Variants in RGS7 observed in about 807,000 individuals in gnomAD.
RGS7 encodes regulator of G protein signaling 7, also known as regulator of G-protein signaling 7.
In RGS7, 27 loss-of-function variants were observed where a neutral mutation model predicts 81.1. That is an observed-to-expected ratio of 0.33 (90% CI 0.25 to 0.46). RGS7 has a LOEUF of 0.46. Ranked by LOEUF, RGS7 falls within the 20% of genes least tolerant of loss-of-function variation. RGS7 has a pLI of 1.00. For synonymous variants in RGS7, 208 were observed against 207.7 expected (o/e 1.00, Z -0.01); for missense variants, 396 against 607.4 (o/e 0.65, Z 3.66).
chr1:241,125,403 A>G (rs1399990331), intron 2 of RGS7, among the ~76,000 whole-genome samples: 4 of 149,852 alleles, frequency 2.7e-5, no homozygotes, highest in African/African-American at 1.0e-4. Flanking sequence ...AATCATCTAG[A>G]TACCCGACAT....
rs10691671 is a variant in RGS7, at chr1:241,000,814, A to ATTT, written c.176-17688_176-17686dup. On this transcript the variant is annotated intron_variant, in intron 3 of 18. Coordinates refer to ENST00000440928, the MANE Select transcript of RGS7 (RefSeq NM_001364886.1). ...AGGTGCGTGCCACCACACCCAGCTAATTTTTTTTTTTTTTTTTTTTTTAGT... is the reference window on the plus strand; with the variant it reads ...AGGTGCGTGCCACCACACCCAGCTAATTTTTTTTTTTTTTTTTTTTTTTTTAGT... Among the ~76,000 whole-genome samples, 169 of 130,378 alleles carry ATTT rather than the reference A, an allele frequency of 1.3e-3. 1 individual carries two copies. The highest frequency in any genetic ancestry group is 4.8e-3 in the African/African-American group (159 of 33,338). 85.5% of individuals were successfully genotyped at this position (130,378 alleles called of 152,430 possible).
intron 2 of RGS7, among the ~76,000 whole-genome samples, chr1:241,139,295 T>TTTCCTTCCTTCCTTCC (rs140713971): frequency 3.6e-4 from 54 of 150,284 alleles, no homozygotes; most frequent in African/African-American, 1.3e-3. Flanking sequence ...TCCTTCCTTC[T>TTTCCTTCCTTCCTTCC]TTCCTTCCTT....
chr1:241,341,868 C>CTT, intron 2 of RGS7, among the ~76,000 whole-genome samples: 4 of 136,818 alleles, frequency 2.9e-5, no homozygotes, highest in Non-Finnish European at 4.6e-5. Flanking sequence ...CACTCTTCAA[C>CTT]TCTTTTTTTT....
At chr1:241,236,161 A>C in intron 2 of RGS7, among the ~76,000 whole-genome samples, 2 of 134,246 alleles carry the variant, frequency 1.5e-5, no homozygotes, top group African/African-American at 5.3e-5. Context: ...TGAGCAAATG[A>C]CGACCTCCGC....
chr1:241,073,256 T>C (rs910452949), intron 3 of RGS7, among the ~76,000 whole-genome samples: 4 of 152,230 alleles, frequency 2.6e-5, no homozygotes, highest in Non-Finnish European at 4.4e-5. Flanking sequence ...TTTCGAACAT[T>C]TCTTTATTGC....
chr1:241,270,399 C>G (rs2077814789), intron 2 of RGS7, among the ~76,000 whole-genome samples: 1 of 152,210 alleles, frequency 6.6e-6, no homozygotes, highest in Admixed American at 6.5e-5. Context: ...CAGAAATACT[C>G]TCTTTTAATG....
intron 2 of RGS7, among the ~76,000 whole-genome samples, chr1:241,165,192 A>G (rs1051884719): frequency 2.0e-5 from 3 of 152,154 alleles, no homozygotes; most frequent in Non-Finnish European, 2.9e-5. Flanking sequence ...AGTAGACTAC[A>G]TAAGATAAGT....
chr1:241,295,960 T>C (rs931707032), intron 2 of RGS7, among the ~76,000 whole-genome samples: 2 of 152,160 alleles, frequency 1.3e-5, no homozygotes, highest in African/African-American at 2.4e-5. Flanking sequence ...GAATCAGAGA[T>C]CAATATTAGT....
chr1:240,836,150 G>T (rs1273167811), intron 9 of RGS7, among the ~76,000 whole-genome samples: 1 of 150,798 alleles, frequency 6.6e-6, no homozygotes, highest in African/African-American at 2.4e-5. Context: ...GGGGTTGGGG[G>T]TGGGGGGTTG....
At chr1:241,006,562 G>T (rs1238089417) in intron 3 of RGS7, among the ~76,000 whole-genome samples, 3 of 152,168 alleles carry the variant, frequency 2.0e-5, no homozygotes, top group Non-Finnish European at 2.9e-5. Context: ...AGGGAACAAT[G>T]AAAGATTAAA....
chr1:240,847,345 C>T (rs12067800), intron 9 of RGS7, among the ~76,000 whole-genome samples: 6,126 of 150,498 alleles, frequency 0.041, 405 homozygotes, highest in African/African-American at 0.14. Flanking sequence ...TTTCCCATTT[C>T]AAATGAGAAG....
At chr1:240,848,591 T>C (rs1301109493) in intron 9 of RGS7, among the ~76,000 whole-genome samples, 1 of 150,888 alleles carries the variant, frequency 6.6e-6, no homozygotes, top group Non-Finnish European at 1.5e-5. Flanking sequence ...AGTTCCTTTA[T>C]AAAAGATACA....
intron 2 of RGS7, among the ~76,000 whole-genome samples, chr1:241,101,688 G>T (rs1558720828): frequency 6.6e-6 from 1 of 152,062 alleles, no homozygotes; most frequent in Non-Finnish European, 1.5e-5. Flanking sequence ...GTTACTATTT[G>T]TTCATGACTG....
chr1:241,203,381 C>T (rs1460809717), intron 2 of RGS7, among the ~76,000 whole-genome samples: 1 of 152,030 alleles, frequency 6.6e-6, no homozygotes, highest in African/African-American at 2.4e-5. Context: ...TACAGGTGCC[C>T]ACCACCATGC....
intron 6 of RGS7, among the ~76,000 whole-genome samples, chr1:240,877,425 C>T (rs1003248123): frequency 6.6e-6 from 1 of 151,450 alleles, no homozygotes; most frequent in Admixed American, 6.6e-5. Flanking sequence ...TATACATCTG[C>T]TAATACACAT....
intron 9 of RGS7, among the ~76,000 whole-genome samples, chr1:240,867,909 G>A (rs973869220): frequency 6.6e-6 from 1 of 151,844 alleles, no homozygotes; most frequent in Non-Finnish European, 1.5e-5. Context: ...GGCTGAGGTG[G>A]GAGGACGGCT....
chr1:241,172,161 T>C (rs1405566825), intron 2 of RGS7, among the ~76,000 whole-genome samples: 1 of 152,220 alleles, frequency 6.6e-6, no homozygotes, highest in African/African-American at 2.4e-5. Context: ...TATGCAGTCA[T>C]TCTGTGTTGT....
At chr1:240,850,564 G>A (rs989138740) in intron 9 of RGS7, among the ~76,000 whole-genome samples, 6 of 152,166 alleles carry the variant, frequency 3.9e-5, no homozygotes, top group African/African-American at 1.4e-4. Context: ...ACTTCTAAGT[G>A]TTCAAGTGAA....
At chr1:241,202,016 ACACAC>A (rs1558183905) in intron 2 of RGS7, among the ~76,000 whole-genome samples, 3 of 85,408 alleles carry the variant, frequency 3.5e-5, no homozygotes, top group African/African-American at 9.7e-5. Flanking sequence ...ACACAGACAC[ACACAC>A]ACACACACAC....
Sources: gnomAD v4.1 joint callset for allele counts (sites outside exome capture counted in the v4.1 genomes callset) on GRCh38, gnomAD v4.1.1 for gene constraint, MANE v1.5 for transcripts, NCBI Gene and HGNC (gene_info 2026-07-23, HGNC 2026-07-21) for gene names.